RDH12: variants seen among roughly 807,000 people sequenced by gnomAD.
The protein encoded by RDH12 is retinol dehydrogenase 12, also known as all-trans and 9-cis retinol dehydrogenase.
In RDH12, 21 loss-of-function variants were observed where a neutral mutation model predicts 34.0. The ratio of observed to expected loss-of-function variants is 0.62; its 90% CI spans 0.44 to 0.89. The LOEUF is 0.89. RDH12 is among the 40% of genes least tolerant of loss of function. The probability of loss-of-function intolerance (pLI) is 0.00; values close to 1 mark genes in which losing one functional copy is unlikely to be tolerated. For missense variants in RDH12, 394 were observed against 398.6 expected, an observed-to-expected ratio of 0.99 and a Z score of 0.10; for synonymous variants, 198 against 169.9, an observed-to-expected ratio of 1.17 and a Z score of -1.29.
chr14:67,709,564 T>C (rs1275541101), intron 1 of RDH12, among the ~76,000 whole-genome samples: 1 of 152,216 alleles, frequency 6.6e-6, no homozygotes, highest in African/African-American at 2.4e-5. Context: ...ACAGAACTTG[T>C]TTTATCTCTT....
chr14:67,709,466 C>T (rs1483998814), intron 1 of RDH12, among the ~76,000 whole-genome samples: 1 of 152,228 alleles, frequency 6.6e-6, no homozygotes, highest in African/African-American at 2.4e-5. Context: ...GTTAATGCTT[C>T]AAGAAAACCT....
At chr14:67,704,700 C>G (rs1461132727) in intron 1 of RDH12, among the ~76,000 whole-genome samples, 1 of 152,150 alleles carries the variant, frequency 6.6e-6, no homozygotes, top group Non-Finnish European at 1.5e-5. Context: ...AAGGTCTCAC[C>G]CCAAATCACC....
rs769546135 is a variant in RDH12, at chr14:67,733,829, T to C, written c.932T>C (p.Leu311Pro). The C allele has an allele frequency of 1.2e-6, 2 of 1,612,816 alleles. No homozygotes were observed. The highest frequency in any genetic ancestry group is 1.7e-6 in the Non-Finnish European group (2 of 1,179,140). Residue 311 changes from leucine (L) to proline (P), a missense_variant, in exon 9 of 9, where the codon CTA (leucine) becomes CCA (proline). By Grantham distance (98) the Leu-to-Pro change is moderately conservative (BLOSUM62 -3). Coordinates refer to ENST00000551171, the MANE Select transcript of RDH12 (RefSeq NM_152443.3). ...ERLWNVSCEL[L>P]GIRWE ...CTATGGAATGTCAGCTGTGAGCTTCTAGGAATCCGGTGGGAGTAGCTGGTG... is the reference window on the plus strand; with the variant it reads ...CTATGGAATGTCAGCTGTGAGCTTCCAGGAATCCGGTGGGAGTAGCTGGTG...
intron 1 of RDH12, among the ~76,000 whole-genome samples, chr14:67,709,408 A>C (rs1257586128): frequency 6.6e-6 from 1 of 152,234 alleles, no homozygotes; most frequent in East Asian, 1.9e-4. Flanking sequence ...TGACCATAAG[A>C]TATAACTTTC....
At chr14:67,724,972 G>T (rs1188341954) in intron 4 of RDH12, 127 bp from the exon 5 acceptor site, 2 of 1,115,724 alleles carry the variant, frequency 1.8e-6, no homozygotes, top group Non-Finnish European at 2.7e-6. Context: ...GTGGCAATAT[G>T]TTCACTCTAC....
intron 1 of RDH12, among the ~76,000 whole-genome samples, chr14:67,709,475 C>A (rs1594859388): frequency 1.3e-5 from 2 of 152,162 alleles, no homozygotes; most frequent in Non-Finnish European, 2.9e-5. Flanking sequence ...TCAAGAAAAC[C>A]TTGTTAATCT....
chr14:67,720,812 A>C (rs971367781), intron 1 of RDH12, 36 bp from the exon 2 acceptor site: 4 of 152,242 alleles, frequency 2.6e-5, no homozygotes, highest in African/African-American at 9.6e-5. Context: ...TCATAATTCT[A>C]GATGCCTTAT....
chr14:67,730,479 TA>T (rs2038255074), intron 8 of RDH12, among the ~76,000 whole-genome samples: 2 of 152,378 alleles, frequency 1.3e-5, no homozygotes, highest in African/African-American at 4.8e-5. Context: ...ATGTTGCTGC[TA>T]AAAATGTTTT....
chr14:67,714,885 A>G (rs996567652), intron 1 of RDH12: 2 of 152,288 alleles, frequency 1.3e-5, no homozygotes, highest in African/African-American at 4.8e-5. Context: ...GCTTCTGCCA[A>G]CTCAAGGCAT....
At chr14:67,703,696 G>A (rs1258294417) in intron 1 of RDH12, among the ~76,000 whole-genome samples, 2 of 151,988 alleles carry the variant, frequency 1.3e-5, no homozygotes, top group Non-Finnish European at 2.9e-5. Flanking sequence ...ATTTTTCCGA[G>A]ACAGAGTTTC....
rs573981574 is a variant in RDH12, at chr14:67,715,394, T to A, written c.-274-5454T>A. 2.2e-4 allele frequency among the ~76,000 whole-genome samples: 33 copies of A among 152,380 alleles called. 1 individual carries two copies. The highest frequency in any genetic ancestry group is 1.0e-3 in the South Asian group (5 of 4,832). ...ACAGAAAATAGCAAAACATTTTGTC[T>A]AAGAGGCATTTCTTTATCTGTCCTT... On this transcript the variant is annotated intron_variant, in intron 1 of 8. Coordinates refer to ENST00000551171, the MANE Select transcript of RDH12 (RefSeq NM_152443.3).
chr14:67,728,692 G>A (rs1309398606), intron 7 of RDH12, among the ~76,000 whole-genome samples: 2 of 95,380 alleles, frequency 2.1e-5, no homozygotes, highest in Non-Finnish European at 4.8e-5. Flanking sequence ...GACCGCACCA[G>A]GGATATCTTG....
At chr14:67,720,312 A>G (rs886896115) in intron 1 of RDH12, among the ~76,000 whole-genome samples, 3 of 152,198 alleles carry the variant, frequency 2.0e-5, no homozygotes, top group Non-Finnish European at 4.4e-5. Flanking sequence ...GCCTGTTATG[A>G]ATATTTCCCC....
intron 1 of RDH12, chr14:67,717,983 C>T (rs1200735715): frequency 6.6e-6 from 1 of 152,130 alleles, no homozygotes; most frequent in African/African-American, 2.4e-5. Context: ...AAGTTACATA[C>T]TAGCAGCAAA....
intron 8 of RDH12, among the ~76,000 whole-genome samples, chr14:67,731,022 T>C: frequency 6.6e-6 from 1 of 152,182 alleles, no homozygotes. Flanking sequence ...GATTGCATGC[T>C]AAAATGATTT....
At chr14:67,726,257 A>C in intron 6 of RDH12, 102 bp downstream of exon 6, 1 of 793,842 alleles carries the variant, frequency 1.3e-6, no homozygotes, top group South Asian at 1.4e-5. Context: ...GCCTTCATAG[A>C]GCCTAGGAAT....
chr14:67,708,315 G>A lies in RDH12; in HGVS notation c.-275+6380G>A, dbSNP rs534873479. 1.1e-4 allele frequency among the ~76,000 whole-genome samples: 16 copies of A among 152,230 alleles called. 1 individual carries two copies. Among genetic ancestry groups the A allele is most frequent in the African/African-American group, 2.6e-4 (11 of 41,546 alleles). On this transcript the variant is annotated intron_variant, in intron 1 of 8. Transcript: ENST00000551171. The stretch of plus-strand genomic sequence containing the variant: ...TAGTTTATGCAGTTAATCCTGTTCT[G>A]CTTGATATTCGTGAACACTTCAGCT...
At chr14:67,703,214 A>G (rs1410883827) in intron 1 of RDH12, among the ~76,000 whole-genome samples, 2 of 152,188 alleles carry the variant, frequency 1.3e-5, no homozygotes, top group Non-Finnish European at 2.9e-5. Context: ...TTTTGGAAAA[A>G]ATTGGGACCT....
chr14:67,714,087 T>C (rs939945821), intron 1 of RDH12, among the ~76,000 whole-genome samples: 3 of 152,170 alleles, frequency 2.0e-5, no homozygotes, highest in Admixed American at 6.5e-5. Flanking sequence ...GTAGCAACTA[T>C]TAGATTTAAA....
Sources: allele counts gnomAD v4.1 joint callset (sites outside exome capture counted in the v4.1 genomes callset), GRCh38; gene constraint gnomAD v4.1.1; transcripts MANE v1.5; gene names NCBI Gene and HGNC (gene_info 2026-07-23, HGNC 2026-07-21).